MARCHF2: variants seen among roughly 807,000 people sequenced by gnomAD.
The protein encoded by MARCHF2 is membrane associated ring-CH-type finger 2, also known as E3 ubiquitin-protein ligase MARCHF2.
Under a neutral mutation model 24.0 loss-of-function variants are expected in MARCHF2, and 22 were observed. The observed-to-expected ratio is 0.92, with a 90% CI of 0.66 to 1.31. MARCHF2 has a LOEUF of 1.31. MARCHF2 is among the 50% of genes most tolerant of loss of function. MARCHF2 has a pLI of 0.00. For synonymous variants in MARCHF2, 154 were observed against 153.0 expected (o/e 1.01, Z -0.05); for missense variants, 301 against 335.3 (o/e 0.90, Z 0.80).
rs77247930 is a variant in MARCHF2 at position 8,430,956 on chromosome 19, C to T, written c.582+89C>T. ...GATTTGGCCCCTGGCTTGTGGGGCACGGGGCTCCCTGGCTGCCTCTGTCTA... is the reference window on the plus strand; with the variant it reads ...GATTTGGCCCCTGGCTTGTGGGGCATGGGGCTCCCTGGCTGCCTCTGTCTA... On this transcript the variant is annotated intron_variant, in intron 4 of 4. Transcript: ENST00000215555. The surrounding 1 kb of genome is among the most constrained non-coding windows in gnomAD (Gnocchi z 4.4). 0.02 allele frequency: 26,929 copies of T among 1,332,500 alleles called. 686 individuals are homozygous for T. The highest frequency in any genetic ancestry group is 0.12 in the African/African-American group (7,955 of 69,136). 82.5% of individuals were successfully genotyped at this position (1,332,500 alleles called of 1,614,324 possible).
chr19:8,438,586 G>A lies in MARCHF2; in HGVS notation c.*40G>A, dbSNP rs1206752767. 1 of 1,604,022 alleles carries A rather than the reference G, an allele frequency of 6.2e-7. No homozygotes were observed. The highest frequency in any genetic ancestry group is 8.5e-7 in the Non-Finnish European group (1 of 1,174,126). On this transcript the variant is annotated 3_prime_UTR_variant, in exon 5 of 5. Transcript: ENST00000215555. ...GGACCCTGCAGCAGAGAGGCCAGAG[G>A]TAGCTGGTGATACCCTGTCCTGTGG... is the stretch of plus-strand genomic sequence containing the variant.
chr19:8,426,907 A>C (rs550897585), intron 3 of MARCHF2, 103 bp downstream of exon 3: 15 of 1,033,976 alleles, frequency 1.5e-5, no homozygotes, highest in Non-Finnish European at 1.7e-5. Flanking sequence ...CTCCTAGGGC[A>C]GAACTCCCTA....
At chr19:8,425,616 A>G (rs1201128114) in intron 2 of MARCHF2, among the ~76,000 whole-genome samples, 1 of 146,054 alleles carries the variant, frequency 6.8e-6, no homozygotes, top group Admixed American at 6.8e-5. Flanking sequence ...CTAGTCCTTG[A>G]GGATTTTTTT....
intron 3 of MARCHF2, among the ~76,000 whole-genome samples, chr19:8,427,034 TTTC>T (rs1199780395): frequency 6.6e-6 from 1 of 152,038 alleles, no homozygotes; most frequent in Non-Finnish European, 1.5e-5. Context: ...CTTCTTCTTC[TTTC>T]TTCTTCTTCC....
At chr19:8,436,519 C>G (rs1957911260) in intron 4 of MARCHF2, among the ~76,000 whole-genome samples, 1 of 152,022 alleles carries the variant, frequency 6.6e-6, no homozygotes. Context: ...CCTCCTTTTC[C>G]CCAAGCCCTA....
chr19:8,415,738 A>AAC lies in MARCHF2; in HGVS notation c.-53+2319_-53+2320insCA, dbSNP rs1406712300. On this transcript the variant is annotated intron_variant, in intron 1 of 4. Coordinates refer to ENST00000215555, the MANE Select transcript of MARCHF2 (RefSeq NM_001005415.2). ...CTCCATCTCAAAAAAAAAAAAACAA[A>AAC]AAAAACAAAAAAAAAAACCAGACAA... is the stretch of plus-strand genomic sequence containing the variant. Among the ~76,000 whole-genome samples, 10 of 50,942 alleles carry AAC rather than the reference A, an allele frequency of 2.0e-4. 1 individual carries two copies. In the South Asian group the frequency reaches 3.9e-3, roughly 20 times the overall value. 33.4% of individuals were successfully genotyped at this position (50,942 alleles called of 152,430 possible). A position where few individuals can be genotyped will look rare whatever the true frequency, so the allele number is the denominator to read the frequency against.
chr19:8,434,068 C>T (rs1967649875), intron 4 of MARCHF2, among the ~76,000 whole-genome samples: 2 of 149,964 alleles, frequency 1.3e-5, no homozygotes, highest in African/African-American at 4.9e-5. Flanking sequence ...TTTCAATGAA[C>T]CTACCAGCAT....
At chr19:8,422,479 G>A (rs188643224) in intron 2 of MARCHF2, among the ~76,000 whole-genome samples, 146 of 151,848 alleles carry the variant, frequency 9.6e-4, no homozygotes, top group African/African-American at 3.3e-3. Context: ...TGAAACCTCC[G>A]CCTCCCAGGT....
At chr19:8,431,258 G>A (rs1447998539) in intron 4 of MARCHF2, among the ~76,000 whole-genome samples, 2 of 152,026 alleles carry the variant, frequency 1.3e-5, no homozygotes, top group African/African-American at 4.8e-5. Flanking sequence ...CAGCACTTTG[G>A]GAGGCCAAGG....
chr19:8,418,093 A>G (rs541971522), intron 1 of MARCHF2, among the ~76,000 whole-genome samples: 1 of 152,130 alleles, frequency 6.6e-6, no homozygotes, highest in Admixed American at 6.6e-5. Context: ...AAAGAAATGT[A>G]AAGACCTAGC....
At chr19:8,421,352 T>C (rs1038768710) in intron 1 of MARCHF2, among the ~76,000 whole-genome samples, 1 of 150,674 alleles carries the variant, frequency 6.6e-6, no homozygotes, top group African/African-American at 2.4e-5. Flanking sequence ...AACCTAGCTT[T>C]TCTTTTTTTT....
chr19:8,437,871 A>G (rs1432115586), intron 4 of MARCHF2, among the ~76,000 whole-genome samples: 2 of 151,882 alleles, frequency 1.3e-5, no homozygotes, highest in African/African-American at 4.8e-5. Flanking sequence ...CAGCCTCCCA[A>G]GTAGCTGGGA....
intron 3 of MARCHF2, among the ~76,000 whole-genome samples, chr19:8,428,163 G>C (rs960909772): frequency 6.6e-6 from 1 of 152,198 alleles, no homozygotes; most frequent in Non-Finnish European, 1.5e-5. Flanking sequence ...GGGAGGCTGA[G>C]GCAGGAGAAT....
intron 1 of MARCHF2, among the ~76,000 whole-genome samples, chr19:8,419,833 A>G (rs188115948): frequency 7.0e-6 from 1 of 143,122 alleles, no homozygotes; most frequent in East Asian, 2.0e-4. Flanking sequence ...AAATAAATAA[A>G]TAAATAAATA....
At position 8,419,613 on chromosome 19, in the gene MARCHF2, G is replaced by A. The variant is rs953767068; in HGVS notation, c.-52-2176G>A. Reference sequence around the variant, plus strand: ...GGGCGGATCACGAGGTCAGGAGATCGAGACCATCCTAGCTAACACGGTGAA... The same window carrying A: ...GGGCGGATCACGAGGTCAGGAGATCAAGACCATCCTAGCTAACACGGTGAA... On this transcript the variant is annotated intron_variant, in intron 1 of 4. Transcript: ENST00000215555. Among the ~76,000 whole-genome samples, 20 of 150,646 alleles carry A rather than the reference G, an allele frequency of 1.3e-4. 1 individual carries two copies. Among genetic ancestry groups the A allele is most frequent in the Admixed American group, 1.0e-3 (15 of 15,016 alleles).
At chr19:8,429,479 C>CTTCTTA (rs1555693936) in intron 3 of MARCHF2, among the ~76,000 whole-genome samples, 2 of 142,330 alleles carry the variant, frequency 1.4e-5, no homozygotes, top group South Asian at 4.6e-4. Flanking sequence ...AATGAAAGAA[C>CTTCTTA]TTATTATTAT....
chr19:8,437,791 C>T (rs570227480), intron 4 of MARCHF2, among the ~76,000 whole-genome samples: 3 of 151,600 alleles, frequency 2.0e-5, no homozygotes, highest in South Asian at 4.2e-4. Context: ...GTCGCCCAGG[C>T]TGGAGTGCAG....
At chr19:8,431,400 G>A (rs1189852858) in intron 4 of MARCHF2, among the ~76,000 whole-genome samples, 3 of 146,804 alleles carry the variant, frequency 2.0e-5, no homozygotes, top group African/African-American at 7.5e-5. Context: ...GGGAGGCTGA[G>A]GCAGGAGAAT....
chr19:8,434,304 C>T (rs900288449), intron 4 of MARCHF2, among the ~76,000 whole-genome samples: 2 of 151,956 alleles, frequency 1.3e-5, no homozygotes, highest in African/African-American at 4.8e-5. Context: ...AGGCTGGTCT[C>T]GAACTCTTGA....
Sources: gnomAD v4.1 joint callset for allele counts (sites outside exome capture counted in the v4.1 genomes callset) on GRCh38, gnomAD v4.1.1 for gene constraint, Gnocchi (gnomAD v3.1) non-coding constraint, MANE v1.5 for transcripts, NCBI Gene and HGNC (gene_info 2026-07-23, HGNC 2026-07-21) for gene names.